The following KIFAP3 variants were observed in gnomAD, a reference collection of about 807,000 sequenced individuals.
The protein encoded by KIFAP3 is kinesin associated protein 3.
In KIFAP3, 68 loss-of-function variants were observed where a neutral mutation model predicts 106.5. The observed-to-expected ratio is 0.64, with a 90% CI of 0.53 to 0.78. The LOEUF is 0.78. KIFAP3 is among the 30% of genes least tolerant of loss of function. The probability of loss-of-function intolerance (pLI) is 0.00; values close to 1 mark genes in which losing one functional copy is unlikely to be tolerated. For synonymous variants in KIFAP3, 320 were observed against 311.5 expected, an observed-to-expected ratio of 1.03 and a Z score of -0.29; for missense variants, 780 against 941.8, an observed-to-expected ratio of 0.83 and a Z score of 2.25.
At chr1:170,036,523 A>G (rs1571707861) in intron 5 of KIFAP3, among the ~76,000 whole-genome samples, 1 of 152,170 alleles carries the variant, frequency 6.6e-6, no homozygotes, top group African/African-American at 2.4e-5. Context: ...TGAATAGTAC[A>G]TGCTTTGAAA....
intron 19 of KIFAP3, 73 bp downstream of exon 19, chr1:169,953,938 A>G (rs960212326): frequency 9.5e-6 from 9 of 942,430 alleles, no homozygotes; most frequent in African/African-American, 4.9e-5. Context: ...AGAGAAATGG[A>G]GAGTGAAGAG....
intron 1 of KIFAP3, among the ~76,000 whole-genome samples, chr1:170,061,071 C>T (rs1454759158): frequency 6.6e-6 from 1 of 152,132 alleles, no homozygotes; most frequent in Non-Finnish European, 1.5e-5. Context: ...AGAAGAAAAC[C>T]TAGGCAATAC....
At chr1:169,932,210 A>G (rs1663528507) in intron 19 of KIFAP3, among the ~76,000 whole-genome samples, 1 of 152,204 alleles carries the variant, frequency 6.6e-6, no homozygotes, top group Non-Finnish European at 1.5e-5. Flanking sequence ...TAGAAAGCAC[A>G]TGCCAAAAGG....
intron 1 of KIFAP3, among the ~76,000 whole-genome samples, chr1:170,073,872 C>T (rs778138307): frequency 4.6e-5 from 7 of 152,168 alleles, no homozygotes; most frequent in Non-Finnish European, 8.8e-5. Flanking sequence ...TACTAAATGT[C>T]CTACAAAAAT....
At chr1:169,995,475 T>C (rs529454948) in intron 10 of KIFAP3, among the ~76,000 whole-genome samples, 9 of 152,266 alleles carry the variant, frequency 5.9e-5, no homozygotes, top group Admixed American at 3.9e-4. Flanking sequence ...TCTTACTTAA[T>C]TTTTAAAAAA....
intron 1 of KIFAP3, among the ~76,000 whole-genome samples, chr1:170,060,908 G>T (rs1431560136): frequency 6.6e-6 from 1 of 152,116 alleles, no homozygotes; most frequent in Admixed American, 6.5e-5. Context: ...CAAGCAATGG[G>T]GAAAGGATTC....
Position 169,973,105 on chromosome 1 carries a change from G to GTATATA in KIFAP3, c.1898-513_1898-508dup, listed in dbSNP as rs1553278126. On this transcript the variant is annotated intron_variant, in intron 16 of 19. Coordinates refer to ENST00000361580, the MANE Select transcript of KIFAP3 (RefSeq NM_014970.4). ...ATAAAAATAATTTAAAAAATAGTGT[G>GTATATA]TATATATATATATATATAAACAACA... Among the ~76,000 whole-genome samples the GTATATA allele has an allele frequency of 5.2e-4, 47 of 90,254 alleles. 2 individuals carry two copies. The highest frequency in any genetic ancestry group is 7.6e-3 in the Middle Eastern group (1 of 132). The allele number at this position is 90,254 out of a possible 152,430, so 59.2% of individuals were successfully genotyped here.
At chr1:170,048,562 A>G (rs1316492357) in intron 2 of KIFAP3, among the ~76,000 whole-genome samples, 5 of 151,896 alleles carry the variant, frequency 3.3e-5, no homozygotes, top group Non-Finnish European at 5.9e-5. Context: ...GGCTGAACAG[A>G]AACAGCCTCA....
At chr1:170,014,008 A>G (rs1668381983) in intron 10 of KIFAP3, among the ~76,000 whole-genome samples, 1 of 152,176 alleles carries the variant, frequency 6.6e-6, no homozygotes, top group Non-Finnish European at 1.5e-5. Context: ...AACAGTAACT[A>G]TAACATTCAT....
chr1:170,014,030 T>A (rs1391386059), intron 10 of KIFAP3, among the ~76,000 whole-genome samples: 1 of 152,148 alleles, frequency 6.6e-6, no homozygotes, highest in Non-Finnish European at 1.5e-5. Flanking sequence ...TCACCTACGA[T>A]ATATCCCTTC....
intron 2 of KIFAP3, among the ~76,000 whole-genome samples, chr1:170,053,809 GAC>G (rs1384648308): frequency 6.6e-6 from 1 of 152,064 alleles, no homozygotes. Context: ...ACAGAAACTG[GAC>G]CCCTTCCTTA....
At chr1:169,951,374 A>T (rs932708649) in intron 19 of KIFAP3, among the ~76,000 whole-genome samples, 1 of 151,928 alleles carries the variant, frequency 6.6e-6, no homozygotes, top group African/African-American at 2.4e-5. Flanking sequence ...TTTTGATTTG[A>T]AAAACAGTCT....
chr1:169,960,913 C>A, intron 18 of KIFAP3, 133 bp downstream of exon 18: 1 of 603,174 alleles, frequency 1.7e-6, no homozygotes, highest in Non-Finnish European at 2.7e-6. Context: ...ATAGACGTTA[C>A]ATCTAAAATC....
Position 170,016,577 on chromosome 1 carries a change from C to T in KIFAP3, c.1068G>A (p.Glu356=), listed in dbSNP as rs1197621031. ...GGGTGATATTCAGCAGGTCTTCATGCTCACAAGGTATCATTTTCACCAGTT... is the reference window on the plus strand; with the variant it reads ...GGGTGATATTCAGCAGGTCTTCATGTTCACAAGGTATCATTTTCACCAGTT... ...VEKLVKMIPC[E]HEDLLNITLR... is the part of the protein sequence containing the mutation. Residue 356 remains glutamate, a synonymous_variant, in exon 10 of 20, where the codon GAG becomes GAA. Transcript: ENST00000361580. 1 of 1,603,094 alleles carries T rather than the reference C, an allele frequency of 6.2e-7. No homozygotes were observed. The highest frequency in any genetic ancestry group is 1.7e-5 in the Admixed American group (1 of 57,916).
chr1:170,024,916 A>C (rs1196962520), intron 8 of KIFAP3, among the ~76,000 whole-genome samples: 1 of 152,110 alleles, frequency 6.6e-6, no homozygotes. Flanking sequence ...TCAAATGGCA[A>C]TTAAAGGTAG....
At chr1:170,019,672 A>G (rs71635640) in intron 9 of KIFAP3, among the ~76,000 whole-genome samples, 4,164 of 152,248 alleles carry the variant, frequency 0.027, 76 homozygotes, top group Non-Finnish European at 0.038. Context: ...GCAAGCAAGA[A>G]ATAGAAGAAC....
intron 19 of KIFAP3, among the ~76,000 whole-genome samples, chr1:169,928,723 T>TAAAAAAAAAAAAAAAAAAAAAAAAAAAA (rs1258694998): frequency 3.4e-4 from 22 of 65,370 alleles, no homozygotes; most frequent in South Asian, 1.0e-3. Flanking sequence ...AAAAAAAAAT[T>TAAAAAAAAAAAAAAAAAAAAAAAAAAAA]AAAGTTATAC....
chr1:169,933,021 CT>C (rs1245336632), intron 19 of KIFAP3, among the ~76,000 whole-genome samples: 2 of 151,784 alleles, frequency 1.3e-5, no homozygotes, highest in African/African-American at 4.8e-5. Context: ...TCAAACTAAC[CT>C]TTTTGCAAAA....
chr1:170,054,840 A>G (rs767928301), intron 2 of KIFAP3, among the ~76,000 whole-genome samples: 10 of 152,156 alleles, frequency 6.6e-5, no homozygotes, highest in African/African-American at 2.4e-4. Flanking sequence ...GGAGAGCATT[A>G]GGACAAATAT....
Sources: gnomAD v4.1 joint callset for allele counts (sites outside exome capture counted in the v4.1 genomes callset) on GRCh38, gnomAD v4.1.1 for gene constraint, MANE v1.5 for transcripts, NCBI Gene and HGNC (gene_info 2026-07-23, HGNC 2026-07-21) for gene names.